The following PPP2R2C variants were observed in gnomAD, a reference collection of about 807,000 sequenced individuals.
PPP2R2C encodes the protein protein phosphatase 2 regulatory subunit Bgamma.
Under a neutral mutation model 45.3 loss-of-function variants are expected in PPP2R2C, and 10 were observed. The ratio of observed to expected loss-of-function variants is 0.22; its 90% CI spans 0.14 to 0.37. PPP2R2C has a LOEUF of 0.37. Ranked by LOEUF, PPP2R2C falls within the 10% of genes least tolerant of loss-of-function variation. The pLI, the probability that PPP2R2C is intolerant of heterozygous loss-of-function variation, is 1.00. For missense variants in PPP2R2C, 308 were observed against 619.7 expected, an observed-to-expected ratio of 0.50 and a Z score of 5.34; for synonymous variants, 257 against 245.4, an observed-to-expected ratio of 1.05 and a Z score of -0.44.
rs1467327348 is a variant in PPP2R2C at position 6,321,322 on chromosome 4, C to T, written c.*1980G>A. On this transcript the variant is annotated 3_prime_UTR_variant, in exon 9 of 9. Transcript: ENST00000382599. The stretch of plus-strand genomic sequence containing the variant: ...TCAGAGCTGGGTTTTGGCTTTAACA[C>T]GCTATCTATACAATTGACCACATTC... The T allele has an allele frequency of 2.0e-5, 3 of 152,536 alleles. No individual in the cohort carries two copies. The highest frequency in any genetic ancestry group is 2.9e-5 in the Non-Finnish European group (2 of 68,012). 9.4% of individuals were successfully genotyped at this position (152,536 alleles called of 1,614,324 possible).
chr4:6,516,862 G>A (rs776608466), intron 2 of PPP2R2C, among the ~76,000 whole-genome samples: 85 of 151,986 alleles, frequency 5.6e-4, no homozygotes, highest in Admixed American at 9.2e-4. Flanking sequence ...ATGAAACCCC[G>A]CCCCAGCTGA....
Position 6,329,226 on chromosome 4 carries a change from C to CGGTGA in PPP2R2C, c.1052+31_1052+35dup, listed in dbSNP as rs1176949493. 3 of 1,581,486 alleles carry CGGTGA rather than the reference C, an allele frequency of 1.9e-6. No homozygotes were observed. Among genetic ancestry groups the CGGTGA allele is most frequent in the African/African-American group, 1.3e-5 (1 of 74,304 alleles). On this transcript the variant is annotated intron_variant, in intron 8 of 8. Coordinates refer to ENST00000382599, the MANE Select transcript of PPP2R2C (RefSeq NM_020416.4). The surrounding 1 kb of genome is among the most constrained non-coding windows in gnomAD (Gnocchi z 5.8). ...CCCTGCAGGGCAGAAACCCTCCCTACGGTGAGGTGAGGTGCGGGCTGAGGT... is the reference window on the plus strand; with the variant it reads ...CCCTGCAGGGCAGAAACCCTCCCTACGGTGAGGTGAGGTGAGGTGCGGGCTGAGGT...
intron 1 of PPP2R2C, among the ~76,000 whole-genome samples, chr4:6,453,370 T>C (rs1366914112): frequency 6.6e-6 from 1 of 152,098 alleles, no homozygotes; most frequent in Non-Finnish European, 1.5e-5. Flanking sequence ...GCGTCAGGAC[T>C]TGCAGGAAGT....
At position 6,357,542 on chromosome 4, in the gene PPP2R2C, T is replaced by G. The variant is rs113457809; in HGVS notation, c.626-9532A>C. The stretch of plus-strand genomic sequence containing the variant: ...ACAGAAAGCCCCACGCACAGTGGAT[T>G]TGCCCTGCCGCCCACAGCCCCAGGC... On this transcript the variant is annotated intron_variant, in intron 5 of 8. Coordinates refer to ENST00000382599, the MANE Select transcript of PPP2R2C (RefSeq NM_020416.4). 7.2e-5 allele frequency among the ~76,000 whole-genome samples: 11 copies of G among 152,334 alleles called. 1 individual carries two copies. The highest frequency in any genetic ancestry group is 2.6e-4 in the African/African-American group (11 of 41,578).
At chr4:6,350,822 G>C in intron 5 of PPP2R2C, 19 of 985,404 alleles carry the variant, frequency 1.9e-5, no homozygotes, top group Non-Finnish European at 2.3e-5. Context: ...CCTCCGCAAT[G>C]AGATCGCACC....
intron 6 of PPP2R2C, among the ~76,000 whole-genome samples, chr4:6,336,170 A>C (rs1732830362): frequency 6.6e-6 from 1 of 152,108 alleles, no homozygotes; most frequent in South Asian, 2.1e-4. Context: ...CAAAACTGAC[A>C]GTAGGCGCCT....
chr4:6,518,510 C>G (rs989530994), intron 2 of PPP2R2C, among the ~76,000 whole-genome samples: 1 of 152,228 alleles, frequency 6.6e-6, no homozygotes, highest in African/African-American at 2.4e-5. Flanking sequence ...TCAAGTAACA[C>G]TGTGAACAAC....
chr4:6,425,218 C>T (rs1436914364), intron 1 of PPP2R2C, among the ~76,000 whole-genome samples: 1 of 152,208 alleles, frequency 6.6e-6, no homozygotes, highest in African/African-American at 2.4e-5. Context: ...CTATAATTCC[C>T]TATCCACCTG....
intron 1 of PPP2R2C, among the ~76,000 whole-genome samples, chr4:6,391,954 C>A (rs1205549900): frequency 2.0e-5 from 3 of 152,232 alleles, no homozygotes; most frequent in South Asian, 2.1e-4. Context: ...GGAACACACA[C>A]CCTCCGAGGC....
At chr4:6,437,534 T>C (rs1390254035) in intron 1 of PPP2R2C, among the ~76,000 whole-genome samples, 1 of 152,218 alleles carries the variant, frequency 6.6e-6, no homozygotes. Context: ...TCCAGGACTC[T>C]GTCACTTCTA....
chr4:6,459,887 A>G (rs763543504), intron 1 of PPP2R2C, among the ~76,000 whole-genome samples: 4 of 152,216 alleles, frequency 2.6e-5, no homozygotes, highest in African/African-American at 7.2e-5. Flanking sequence ...GGGAGTTGTT[A>G]GTACCAAGTT....
intron 1 of PPP2R2C, among the ~76,000 whole-genome samples, chr4:6,426,131 C>T (rs1577173828): frequency 6.6e-6 from 1 of 152,312 alleles, no homozygotes; most frequent in East Asian, 1.9e-4. Flanking sequence ...CAGCAGGCTC[C>T]GCCCTGGGAC....
intron 1 of PPP2R2C, among the ~76,000 whole-genome samples, chr4:6,470,047 C>A (rs1721784967): frequency 6.6e-6 from 1 of 152,162 alleles, no homozygotes; most frequent in Non-Finnish European, 1.5e-5. Flanking sequence ...TTTGGCTGCA[C>A]GTTAGCAATG....
At chr4:6,541,257 G>A (rs1223807975) in intron 1 of PPP2R2C, among the ~76,000 whole-genome samples, 3 of 152,150 alleles carry the variant, frequency 2.0e-5, no homozygotes, top group Non-Finnish European at 2.9e-5. Context: ...AGGGCTGTTA[G>A]CCAGAAATCC....
intron 2 of PPP2R2C, among the ~76,000 whole-genome samples, chr4:6,494,609 C>G (rs908589309): frequency 5.3e-5 from 8 of 152,172 alleles, no homozygotes; most frequent in Admixed American, 1.3e-4. Flanking sequence ...ACTCACAGCC[C>G]AGGTGGAGGC....
intron 2 of PPP2R2C, among the ~76,000 whole-genome samples, chr4:6,529,448 A>G (rs527938954): frequency 6.5e-4 from 99 of 152,330 alleles, no homozygotes; most frequent in Middle Eastern, 3.4e-3. Flanking sequence ...CATGGGCCCC[A>G]TGGAACGTAT....
At chr4:6,430,245 C>A (rs961618126) in intron 1 of PPP2R2C, among the ~76,000 whole-genome samples, 1 of 152,186 alleles carries the variant, frequency 6.6e-6, no homozygotes, top group Non-Finnish European at 1.5e-5. Context: ...TCCTGCCTGA[C>A]CCCCATGAAA....
At chr4:6,512,240 GGGTGGT>G (rs1723622771) in intron 2 of PPP2R2C, among the ~76,000 whole-genome samples, 1 of 11,078 alleles carries the variant, frequency 9.0e-5, no homozygotes, top group African/African-American at 4.2e-4. Flanking sequence ...GTGATGGTGG[GGGTGGT>G]GGTGGTGATG....
intron 1 of PPP2R2C, among the ~76,000 whole-genome samples, chr4:6,467,883 C>T (rs1721669399): frequency 6.6e-6 from 1 of 152,182 alleles, no homozygotes; most frequent in Non-Finnish European, 1.5e-5. Flanking sequence ...AGATGGCTGC[C>T]AGCCACCACA....
Sources: gnomAD v4.1 joint callset for allele counts (sites outside exome capture counted in the v4.1 genomes callset) on GRCh38, gnomAD v4.1.1 for gene constraint, Gnocchi (gnomAD v3.1) non-coding constraint, MANE v1.5 for transcripts, NCBI Gene and HGNC (gene_info 2026-07-23, HGNC 2026-07-21) for gene names.